ZNF546: variants seen among roughly 807,000 people sequenced by gnomAD.
ZNF546 encodes zinc finger protein 546.
A neutral mutation model predicts 76.2 loss-of-function variants in ZNF546; 60 were observed. That is an observed-to-expected ratio of 0.79 (90% CI 0.64 to 0.98). The LOEUF (loss-of-function observed/expected upper bound fraction) is 0.98, where lower values mean the gene tolerates loss of function less well. Ranked by LOEUF, ZNF546 falls within the 50% of genes least tolerant of loss-of-function variation. The pLI is 0.00. For synonymous variants in ZNF546, 277 were observed against 328.1 expected (o/e 0.84, Z 1.68); for missense variants, 936 against 1,035.6 (o/e 0.90, Z 1.32).
chr19:40,015,058 TACTC>T lies in ZNF546; in HGVS notation c.1790_1793del (p.Thr597AsnfsTer172), dbSNP rs1568389347. 6 of 1,613,858 alleles carry T rather than the reference TACTC, an allele frequency of 3.7e-6. No individual in the cohort carries two copies. The highest frequency in any genetic ancestry group is 1.7e-5 in the Admixed American group (1 of 60,006). On this transcript the variant is annotated frameshift_variant, in exon 7 of 7. Coordinates refer to ENST00000347077, the MANE Select transcript of ZNF546 (RefSeq NM_178544.5). LOFTEE classifies it high-confidence loss of function. Reference sequence around the variant, plus strand: ...AGATTTTTAGTCGTCGCTATAATCTTACTCAACATTTTAAAATTCATACTGGTGA... The same window carrying T: ...AGATTTTTAGTCGTCGCTATAATCTTAACATTTTAAAATTCATACTGGTGA...
At chr19:39,999,579 G>T (rs1188370867) in intron 3 of ZNF546, 3 of 145,550 alleles carry the variant, frequency 2.1e-5, no homozygotes, top group Non-Finnish European at 4.4e-5. Context: ...ATTTTAGCAA[G>T]ATTTTTTTTT....
At chr19:40,008,118 G>A (rs1476507765) in intron 5 of ZNF546, among the ~76,000 whole-genome samples, 1 of 152,204 alleles carries the variant, frequency 6.6e-6, no homozygotes, top group African/African-American at 2.4e-5. Flanking sequence ...TGATAAAAGT[G>A]AATATGTGCA....
intron 3 of ZNF546, among the ~76,000 whole-genome samples, chr19:40,002,343 GA>G (rs1294572887): frequency 3.3e-5 from 5 of 152,040 alleles, no homozygotes; most frequent in African/African-American, 1.2e-4. Context: ...CCACTTGCAA[GA>G]AAAAAATGCC....
chr19:40,010,579 T>C (rs234306), intron 6 of ZNF546, among the ~76,000 whole-genome samples: 30,329 of 152,124 alleles, frequency 0.2, 6,500 homozygotes, highest in African/African-American at 0.54. Context: ...ATTTTCATTT[T>C]CCTAATGCCT....
chr19:39,999,314 C>T (rs1173455454), intron 3 of ZNF546, among the ~76,000 whole-genome samples: 1 of 152,168 alleles, frequency 6.6e-6, no homozygotes, highest in African/African-American at 2.4e-5. Flanking sequence ...GAAGAATGTT[C>T]AAGAACTGGC....
At position 40,015,840 on chromosome 19, in the gene ZNF546, T is replaced by C. The variant is rs1971759033; in HGVS notation, c.*59T>C. 6.6e-7 allele frequency: 1 copy of C among 1,521,524 alleles called. No homozygotes were observed. Among genetic ancestry groups the C allele is most frequent in the South Asian group, 1.1e-5 (1 of 87,706 alleles). 94.3% of individuals were successfully genotyped at this position (1,521,524 alleles called of 1,614,324 possible). ...AGCAGAGAATTTGTAATTTAAGAAA[T>C]TTTCTGTTTGTTACGGAACATGTGG... On this transcript the variant is annotated 3_prime_UTR_variant, in exon 7 of 7. Transcript: ENST00000347077.
rs757205317 is a variant in ZNF546 at position 40,014,947 on chromosome 19, G to C, written c.1677G>C (p.Gly559=). The change falls in exon 7 of 7, where the codon GGG becomes GGC. Residue 559 remains glycine (G), a synonymous_variant. Coordinates refer to ENST00000347077, the MANE Select transcript of ZNF546 (RefSeq NM_178544.5). Reference sequence around the variant, plus strand: ...AACCCTATGAATGTAAGGAATGTGGGAAGGCTTTTATTCATAGCAATCAAT... The same window carrying C: ...AACCCTATGAATGTAAGGAATGTGGCAAGGCTTTTATTCATAGCAATCAAT... ...CEKPYECKEC[G]KAFIHSNQFI... is the part of the protein sequence containing the mutation. 14 of 1,614,004 alleles carry C rather than the reference G, an allele frequency of 8.7e-6. No homozygotes were observed. Among genetic ancestry groups the C allele is most frequent in the Non-Finnish European group, 1.1e-5 (13 of 1,180,034 alleles).
chr19:40,017,565 G>C lies in ZNF546; in HGVS notation c.*1784G>C, dbSNP rs139860814. On this transcript the variant is annotated 3_prime_UTR_variant, in exon 7 of 7. Coordinates refer to ENST00000347077, the MANE Select transcript of ZNF546 (RefSeq NM_178544.5). ...TTGCTATATAACAATTGTCCAACCT[G>C]TCTGTGCCCCAGGGCAGCTTTGAAT... The C allele has an allele frequency of 1.3e-5, 2 of 152,208 alleles. No homozygotes were observed. The highest frequency in any genetic ancestry group is 2.4e-5 in the African/African-American group (1 of 41,458). The allele number at this position is 152,208 out of a possible 1,614,324, so 9.4% of individuals were successfully genotyped here.
In ZNF546 at chr19:40,014,929, T is replaced by C. The variant is rs370212554; in HGVS notation, c.1659T>C (p.Tyr553=). ...GAATTCATACATGTGAGAAACCCTATGAATGTAAGGAATGTGGGAAGGCTT... is the reference window on the plus strand; with the variant it reads ...GAATTCATACATGTGAGAAACCCTACGAATGTAAGGAATGTGGGAAGGCTT... ...HHRIHTCEKP[Y]ECKECGKAFI... is the part of the protein sequence containing the mutation. The change falls in exon 7 of 7, where the codon TAT becomes TAC. Residue 553 remains tyrosine, a synonymous_variant. Transcript: ENST00000347077. 9.9e-6 allele frequency: 16 copies of C among 1,614,052 alleles called. No individual in the cohort carries two copies. The East Asian group carries it at 1.3e-4, about 13-fold the overall frequency.
intron 3 of ZNF546, among the ~76,000 whole-genome samples, chr19:40,004,127 A>T (rs966382400): frequency 4.9e-5 from 7 of 144,226 alleles, no homozygotes; most frequent in Non-Finnish European, 1.0e-4. Flanking sequence ...TAACTATATT[A>T]ATATATATAT....
chr19:40,013,585 C>G, intron 6 of ZNF546, 80 bp from the exon 7 acceptor site: 1 of 1,167,630 alleles, frequency 8.6e-7, no homozygotes, highest in South Asian at 1.7e-5. Context: ...GAGGTACAAC[C>G]CCCATCCCTG....
intron 3 of ZNF546, among the ~76,000 whole-genome samples, chr19:40,005,367 C>T (rs947995892): frequency 1.3e-5 from 2 of 152,030 alleles, no homozygotes; most frequent in African/African-American, 4.8e-5. Flanking sequence ...GGTAGAGTCC[C>T]AAAATTAGGT....
At position 40,014,906 on chromosome 19, in the gene ZNF546, A is replaced by G. The variant is rs777147141; in HGVS notation, c.1636A>G (p.Ile546Val). 1.9e-6 allele frequency: 3 copies of G among 1,613,886 alleles called. No homozygotes were observed. The African/African-American group carries it at 4.0e-5, about 22-fold the overall frequency. Residue 546 changes from isoleucine to valine, a missense_variant, in exon 7 of 7, where the codon ATT becomes GTT. By Grantham distance (29) the Ile-to-Val change is conservative. Transcript: ENST00000347077. ...LQGELTRHHR[I>V]HTCEKPYECK... ...AGGAGAACTTACCCGACATCACAGAATTCATACATGTGAGAAACCCTATGA... is the reference window on the plus strand; with the variant it reads ...AGGAGAACTTACCCGACATCACAGAGTTCATACATGTGAGAAACCCTATGA...
At position 40,015,316 on chromosome 19, in the gene ZNF546, A is replaced by T. The variant is rs1300206391; in HGVS notation, c.2046A>T (p.Gln682His). 1 of 1,614,166 alleles carries T rather than the reference A, an allele frequency of 6.2e-7. No homozygotes were observed. Among genetic ancestry groups the T allele is most frequent in the Non-Finnish European group, 8.5e-7 (1 of 1,180,022 alleles). Reference sequence around the variant, plus strand: ...TTAGTCGGCACTATCATCTTACTCAACATCACAGAGGCCATACTGGTGAGA... The same window carrying T: ...TTAGTCGGCACTATCATCTTACTCATCATCACAGAGGCCATACTGGTGAGA... ...KTFSRHYHLT[Q>H]HHRGHTGEKP... Residue 682 changes from glutamine to histidine, a missense_variant, in exon 7 of 7, where the codon CAA becomes CAT. Transcript: ENST00000347077.
chr19:40,005,215 T>A (rs1252101341), intron 3 of ZNF546, among the ~76,000 whole-genome samples: 1 of 151,896 alleles, frequency 6.6e-6, no homozygotes, highest in Non-Finnish European at 1.5e-5. Flanking sequence ...AGAGATGGTT[T>A]CACCATGTTG....
At chr19:40,010,656 T>C (rs944015949) in intron 6 of ZNF546, among the ~76,000 whole-genome samples, 3 of 152,162 alleles carry the variant, frequency 2.0e-5, no homozygotes, top group Admixed American at 2.0e-4. Flanking sequence ...AAGCATCTAT[T>C]ACAGTCTTCT....
intron 6 of ZNF546, among the ~76,000 whole-genome samples, chr19:40,009,073 G>A (rs1971640847): frequency 6.6e-6 from 1 of 152,174 alleles, no homozygotes. Flanking sequence ...TGTGAAGAAA[G>A]TTAAGTAGAG....
rs758704447 is a variant in ZNF546, at chr19:40,007,267, A to G, written c.172-7A>G. On this transcript the variant is annotated splice_polypyrimidine_tract_variant and splice_region_variant and intron_variant, in intron 4 of 6. Coordinates refer to ENST00000347077, the MANE Select transcript of ZNF546 (RefSeq NM_178544.5). ...TTTTTTTTTAATACATAGGCTTGTC[A>G]TTTCAGGTATCTTTGGCATTTAGGG... 7 of 1,527,266 alleles carry G rather than the reference A, an allele frequency of 4.6e-6. No homozygotes were observed. The South Asian group carries it at 5.3e-5, about 12-fold the overall frequency. 94.6% of individuals were successfully genotyped at this position (1,527,266 alleles called of 1,614,324 possible). A position where few individuals can be genotyped will look rare whatever the true frequency, so the allele number is the denominator to read the frequency against.
chr19:40,012,866 T>C (rs1971689785), intron 6 of ZNF546, among the ~76,000 whole-genome samples: 1 of 151,548 alleles, frequency 6.6e-6, no homozygotes, highest in South Asian at 2.1e-4. Flanking sequence ...CAGCCTGGAG[T>C]GCAGTGGCAC....
Sources: gnomAD v4.1 joint callset for allele counts (sites outside exome capture counted in the v4.1 genomes callset) on GRCh38, gnomAD v4.1.1 for gene constraint, MANE v1.5 for transcripts, NCBI Gene and HGNC (gene_info 2026-07-23, HGNC 2026-07-21) for gene names.